Variants in OR51B5 observed in about 807,000 individuals in gnomAD.
The protein encoded by OR51B5 is olfactory receptor family 51 subfamily B member 5.
For synonymous variants in OR51B5, 186 were observed against 144.8 expected, an observed-to-expected ratio of 1.28 and a Z score of -2.04; for missense variants, 456 against 374.6, an observed-to-expected ratio of 1.22 and a Z score of -1.79.
intron 1 of OR51B5, among the ~76,000 whole-genome samples, chr11:5,442,468 C>G (rs1002573416): frequency 3.3e-5 from 5 of 152,094 alleles, no homozygotes; most frequent in African/African-American, 1.2e-4. Flanking sequence ...AGTGGATATT[C>G]ATTCTCTCCC....
chr11:5,351,948 G>C (rs147610622), intron 1 of OR51B5: 15 of 1,613,080 alleles, frequency 9.3e-6, no homozygotes, highest in Non-Finnish European at 1.2e-5. Context: ...TGCGGGTATT[G>C]ACAAGGGCTG....
chr11:5,441,278 T>C (rs768032676), intron 1 of OR51B5: 37 of 1,613,740 alleles, frequency 2.3e-5, no homozygotes, highest in Non-Finnish European at 3.1e-5. Flanking sequence ...CAGTGGGAAG[T>C]GTAGAAAAGG....
intron 1 of OR51B5, chr11:5,422,004 G>A: frequency 1.8e-6 from 1 of 546,460 alleles, no homozygotes; most frequent in Non-Finnish European, 3.2e-6. Context: ...TAGCTGTGTG[G>A]GAGCAGTCTG....
chr11:5,428,424 T>A (rs146608719), intron 1 of OR51B5, among the ~76,000 whole-genome samples: 1 of 152,308 alleles, frequency 6.6e-6, no homozygotes, highest in East Asian at 1.9e-4. Flanking sequence ...AAAATGAGCA[T>A]ATGCTGCTGA....
At chr11:5,388,078 T>C (rs1251182350) in intron 1 of OR51B5, among the ~76,000 whole-genome samples, 1 of 152,154 alleles carries the variant, frequency 6.6e-6, no homozygotes, top group Admixed American at 6.5e-5. Context: ...TATGTATTTA[T>C]TGAATCAATT....
intron 1 of OR51B5, chr11:5,430,956 G>T (rs753430363): frequency 1.3e-5 from 6 of 456,854 alleles, no homozygotes; most frequent in African/African-American, 1.0e-4. Flanking sequence ...AAGAGACCAC[G>T]ATAAGCAATG....
chr11:5,497,062 A>AGCG (rs1564833729), intron 1 of OR51B5, among the ~76,000 whole-genome samples: 1 of 151,616 alleles, frequency 6.6e-6, no homozygotes, highest in Non-Finnish European at 1.5e-5. Flanking sequence ...AAAAAAAAAA[A>AGCG]AAAGAGAGAG....
intron 1 of OR51B5, among the ~76,000 whole-genome samples, chr11:5,477,305 T>A (rs532217069): frequency 3.0e-4 from 46 of 152,264 alleles, no homozygotes; most frequent in African/African-American, 1.1e-3. Flanking sequence ...CACTTATCCC[T>A]TGAGATGAGC....
intron 1 of OR51B5, among the ~76,000 whole-genome samples, chr11:5,497,072 G>GA (rs1851662048): frequency 6.6e-6 from 1 of 150,860 alleles, no homozygotes; most frequent in Non-Finnish European, 1.5e-5. Context: ...AAAAGAGAGA[G>GA]GAAAGGAAAG....
chr11:5,399,814 G>A (rs1298694111), intron 1 of OR51B5, among the ~76,000 whole-genome samples: 1 of 151,906 alleles, frequency 6.6e-6, no homozygotes, highest in East Asian at 1.9e-4. Context: ...AAACAAAAGA[G>A]ACCACAGACA....
At chr11:5,352,541 G>A in intron 1 of OR51B5, 2 of 739,080 alleles carry the variant, frequency 2.7e-6, no homozygotes, top group African/African-American at 1.8e-5. Context: ...ATTTCAATGA[G>A]AACTAATCAA....
At chr11:5,406,446 A>T (rs1459042449) in intron 1 of OR51B5, among the ~76,000 whole-genome samples, 1 of 152,168 alleles carries the variant, frequency 6.6e-6, no homozygotes, top group African/African-American at 2.4e-5. Context: ...CTTGGTGTCT[A>T]TGAAATTGTG....
intron 1 of OR51B5, among the ~76,000 whole-genome samples, chr11:5,378,388 G>C (rs1330411833): frequency 6.6e-6 from 1 of 152,084 alleles, no homozygotes; most frequent in Non-Finnish European, 1.5e-5. Context: ...TACCATTCAG[G>C]ACATAGGCAT....
rs148731886 is a variant in OR51B5, at chr11:5,404,769, C to T, written n.85-57859G>A. On this transcript the variant is annotated intron_variant and non_coding_transcript_variant, in intron 1 of 4. Coordinates refer to the OR51B5 transcript ENST00000415970. ...TCTGCAGCTTCACTCCTGAAGTCAGCGAGACCACGAATCCACCAGGGAGGA... is the reference window on the plus strand; with the variant it reads ...TCTGCAGCTTCACTCCTGAAGTCAGTGAGACCACGAATCCACCAGGGAGGA... Among the ~76,000 whole-genome samples, 1,229 of 152,274 alleles carry T rather than the reference C, an allele frequency of 8.1e-3. 11 individuals are homozygous for T. Among genetic ancestry groups the T allele is most frequent in the African/African-American group, 0.028 (1,159 of 41,544 alleles).
At chr11:5,483,519 G>A (rs367908959) in intron 1 of OR51B5, among the ~76,000 whole-genome samples, 16 of 87,978 alleles carry the variant, frequency 1.8e-4, no homozygotes, top group African/African-American at 2.4e-4. Context: ...AAAAAAAAAA[G>A]AAAAGAAAAG....
intron 1 of OR51B5, among the ~76,000 whole-genome samples, chr11:5,479,127 C>A (rs1011801277): frequency 4.0e-5 from 6 of 149,286 alleles, no homozygotes; most frequent in South Asian, 2.2e-4. Context: ...TCGGGTTACC[C>A]TCAAAGGGAA....
At chr11:5,418,784 G>A (rs950722815) in intron 1 of OR51B5, among the ~76,000 whole-genome samples, 19 of 151,324 alleles carry the variant, frequency 1.3e-4, no homozygotes, top group African/African-American at 2.2e-4. Context: ...TGTAGGTGAC[G>A]GGTTGATAGA....
chr11:5,416,126 G>A (rs1156783018), intron 1 of OR51B5, among the ~76,000 whole-genome samples: 1 of 149,732 alleles, frequency 6.7e-6, no homozygotes. Flanking sequence ...TTCAATATAT[G>A]CAAATCAATA....
chr11:5,350,764 T>G (rs952783761), intron 1 of OR51B5, among the ~76,000 whole-genome samples: 18 of 152,312 alleles, frequency 1.2e-4, no homozygotes, highest in African/African-American at 3.8e-4. Flanking sequence ...AAATTTGAAT[T>G]CTTTGAAGCA....
Sources: gnomAD v4.1 joint callset for allele counts (sites outside exome capture counted in the v4.1 genomes callset) on GRCh38, gnomAD v4.1.1 for gene constraint, MANE v1.5 for transcripts, NCBI Gene and HGNC (gene_info 2026-07-23, HGNC 2026-07-21) for gene names.